Variants in ELP4 observed in about 807,000 individuals in gnomAD.
ELP4 encodes the protein elongator acetyltransferase complex subunit 4.
In ELP4, 51 loss-of-function variants were observed where a neutral mutation model predicts 48.9. The ratio of observed to expected loss-of-function variants is 1.04; its 90% CI spans 0.83 to 1.32. The LOEUF (loss-of-function observed/expected upper bound fraction) is 1.32. Ranked by LOEUF, ELP4 falls within the 40% of genes most tolerant of loss-of-function variation. ELP4 has a pLI of 0.00. For synonymous variants in ELP4, 210 were observed against 189.2 expected, an observed-to-expected ratio of 1.11 and a Z score of -0.90; for missense variants, 519 against 514.6, an observed-to-expected ratio of 1.01 and a Z score of -0.08.
chr11:31,733,275 A>G (rs1451603109), intron 9 of ELP4, among the ~76,000 whole-genome samples: 1 of 152,104 alleles, frequency 6.6e-6, no homozygotes. Flanking sequence ...CAGGAGTTCA[A>G]GACCAGCCTG....
chr11:31,598,799 C>T (rs1479548189), intron 4 of ELP4: 2 of 152,102 alleles, frequency 1.3e-5, no homozygotes, highest in Non-Finnish European at 2.9e-5. Context: ...GCATGAGCCA[C>T]TGAACCCGGC....
At chr11:31,781,779 G>C (rs1948383186) in intron 9 of ELP4, among the ~76,000 whole-genome samples, 1 of 151,988 alleles carries the variant, frequency 6.6e-6, no homozygotes, top group Admixed American at 6.6e-5. Context: ...TTACAGAAAT[G>C]AGCCAGTGTG....
At chr11:31,653,106 G>T (rs1945358021) in intron 9 of ELP4, 1 of 151,672 alleles carries the variant, frequency 6.6e-6, no homozygotes, top group South Asian at 2.1e-4. Context: ...GTATTGTCCA[G>T]ATTCAAGTGA....
In ELP4 at chr11:31,668,694, G is replaced by A. The variant is rs906472463; in HGVS notation, c.1143+18473G>A. Among the ~76,000 whole-genome samples the A allele has an allele frequency of 2.8e-3, 392 of 140,528 alleles. 4 individuals are homozygous for A. Among genetic ancestry groups the A allele is most frequent in the African/African-American group, 0.01 (371 of 35,672 alleles). The allele number at this position is 140,528 out of a possible 152,430, so 92.2% of individuals were successfully genotyped here. A position where few individuals can be genotyped will look rare whatever the true frequency, so the allele number is the denominator to read the frequency against. ...TGGTACCGTGTGTGTGTGTGTGTGT[G>A]TGTGTGTGTGTGTGTGTGTGTGTGT... On this transcript the variant is annotated intron_variant, in intron 9 of 9. Transcript: ENST00000640961.
At chr11:31,576,194 A>C (rs1312485051) in intron 3 of ELP4, among the ~76,000 whole-genome samples, 1 of 152,242 alleles carries the variant, frequency 6.6e-6, no homozygotes. Flanking sequence ...GAGACAAAGA[A>C]GGCCATTGCA....
rs1957791917 is a variant in ELP4, at chr11:31,601,936, T to A, written c.514-1832T>A. Reference sequence around the variant, plus strand: ...GTCTCCACCCAGTTTGTAGGCACTCTGCTTATTCTTTTGAATCAGGAAAGG... The same window carrying A: ...GTCTCCACCCAGTTTGTAGGCACTCAGCTTATTCTTTTGAATCAGGAAAGG... On this transcript the variant is annotated intron_variant, in intron 4 of 9. Coordinates refer to ENST00000640961, the MANE Select transcript of ELP4 (RefSeq NM_019040.5). Among the ~76,000 whole-genome samples the A allele has an allele frequency of 2.0e-5, 3 of 152,118 alleles. No individual in the cohort carries two copies. In the East Asian group the frequency reaches 5.8e-4, roughly 29 times the overall value.
chr11:31,755,918 T>A (rs749880505), intron 9 of ELP4, among the ~76,000 whole-genome samples: 4 of 152,192 alleles, frequency 2.6e-5, no homozygotes, highest in Non-Finnish European at 5.9e-5. Flanking sequence ...ACCTGGTTCC[T>A]TGTGGAGAGA....
chr11:31,582,376 C>T (rs1957406022), intron 3 of ELP4, among the ~76,000 whole-genome samples: 1 of 152,152 alleles, frequency 6.6e-6, no homozygotes, highest in Non-Finnish European at 1.5e-5. Context: ...AGGGATTTGA[C>T]CACGTTGATC....
intron 3 of ELP4, among the ~76,000 whole-genome samples, chr11:31,565,279 T>A (rs1395873244): frequency 1.3e-5 from 2 of 152,246 alleles, no homozygotes; most frequent in African/African-American, 4.8e-5. Context: ...ATTAGCCCTT[T>A]GTCAGATGAG....
At chr11:31,767,737 AAG>A (rs1592293754) in intron 9 of ELP4, 1 of 152,178 alleles carries the variant, frequency 6.6e-6, no homozygotes, top group East Asian at 1.9e-4. Flanking sequence ...CTTTCTATCT[AAG>A]GCTGAGTTGA....
intron 3 of ELP4, among the ~76,000 whole-genome samples, chr11:31,588,443 C>G (rs1007999639): frequency 2.0e-5 from 3 of 152,110 alleles, no homozygotes; most frequent in Admixed American, 2.0e-4. Context: ...TTTCTCTGGT[C>G]TCTTAACAAC....
At chr11:31,662,748 G>A in intron 9 of ELP4, 1 of 391,648 alleles carries the variant, frequency 2.6e-6, no homozygotes, top group South Asian at 1.4e-4. Context: ...TGTGTAATTT[G>A]CACTTGTAGA....
intron 3 of ELP4, among the ~76,000 whole-genome samples, chr11:31,584,752 T>C (rs1482650119): frequency 6.6e-6 from 1 of 152,190 alleles, no homozygotes; most frequent in Non-Finnish European, 1.5e-5. Flanking sequence ...CTCAAACTCC[T>C]GACCTCAGGT....
At chr11:31,568,002 G>C (rs1173428189) in intron 3 of ELP4, among the ~76,000 whole-genome samples, 1 of 152,166 alleles carries the variant, frequency 6.6e-6, no homozygotes, top group East Asian at 1.9e-4. Context: ...ATTTGGGTCT[G>C]TACAAGTGAT....
intron 3 of ELP4, among the ~76,000 whole-genome samples, chr11:31,549,125 A>C (rs1401278226): frequency 1.3e-5 from 2 of 151,876 alleles, no homozygotes; most frequent in Non-Finnish European, 2.9e-5. Flanking sequence ...CAAAAGCCAA[A>C]ATTGACAAAT....
At chr11:31,685,245 G>A (rs1229275128) in intron 9 of ELP4, among the ~76,000 whole-genome samples, 1 of 152,114 alleles carries the variant, frequency 6.6e-6, no homozygotes, top group African/African-American at 2.4e-5. Context: ...CAGCTACTTG[G>A]GAGGCTGAGG....
In ELP4 at chr11:31,789,912, C is replaced by CTTTTTT. The variant is rs759391101; in HGVS notation, c.*6406_*6411dup. 871 of 1,045,150 alleles carry CTTTTTT rather than the reference C, an allele frequency of 8.3e-4. 4 individuals carry two copies. Among genetic ancestry groups the CTTTTTT allele is most frequent in the African/African-American group, 2.7e-3 (127 of 46,364 alleles). 64.7% of individuals were successfully genotyped at this position (1,045,150 alleles called of 1,614,324 possible). A position where few individuals can be genotyped will look rare whatever the true frequency, so the allele number is the denominator to read the frequency against. ...CTGAATTAACACAATATTTCCTTTC[C>CTTTTTT]TTTTTTTTTTTTTTTTTTTTTTTAC... On this transcript the variant is annotated 3_prime_UTR_variant, in exon 10 of 10. Transcript: ENST00000640961.
intron 9 of ELP4, among the ~76,000 whole-genome samples, chr11:31,724,371 A>G (rs1042167375): frequency 1.3e-5 from 2 of 152,242 alleles, no homozygotes; most frequent in African/African-American, 4.8e-5. Flanking sequence ...CATTTTAATC[A>G]TAGTTGTAAT....
At chr11:31,578,563 A>G (rs1397868811) in intron 3 of ELP4, among the ~76,000 whole-genome samples, 1 of 152,198 alleles carries the variant, frequency 6.6e-6, no homozygotes, top group Non-Finnish European at 1.5e-5. Flanking sequence ...AGTAACCAAA[A>G]CAGCATGGTA....
Sources: gnomAD v4.1 joint callset for allele counts (sites outside exome capture counted in the v4.1 genomes callset) on GRCh38, gnomAD v4.1.1 for gene constraint, MANE v1.5 for transcripts, NCBI Gene and HGNC (gene_info 2026-07-23, HGNC 2026-07-21) for gene names.